Variants in SV2C observed in about 807,000 individuals in gnomAD.
SV2C encodes solute carrier family 22 member B3.
In SV2C, 49 loss-of-function variants were observed where a neutral mutation model predicts 79.7. That is an observed-to-expected ratio of 0.61 (90% CI 0.49 to 0.78). SV2C has a LOEUF of 0.78. SV2C is among the 30% of genes least tolerant of loss of function. The probability of loss-of-function intolerance (pLI) is 0.00; values close to 1 mark genes in which losing one functional copy is unlikely to be tolerated. For missense variants in SV2C, 833 were observed against 912.9 expected (o/e 0.91, Z 1.13); for synonymous variants, 334 against 333.2 (o/e 1.00, Z -0.03).
chr5:76,104,467 C>T (rs1296635356), intron 1 of SV2C, among the ~76,000 whole-genome samples: 2 of 152,154 alleles, frequency 1.3e-5, no homozygotes, highest in Non-Finnish European at 2.9e-5. Context: ...ACACAGCAGC[C>T]TCAAATTCCT....
At chr5:75,906,135 T>C in the SV2C span, among the ~76,000 whole-genome samples, 1 of 151,940 alleles carries the variant, frequency 6.6e-6, no homozygotes, top group African/African-American at 2.4e-5. Flanking sequence ...TCCCAGTAGA[T>C]GACAGTAACA....
chr5:76,344,401 T>C (rs990251574), intron 12 of SV2C, among the ~76,000 whole-genome samples: 2 of 152,244 alleles, frequency 1.3e-5, no homozygotes, highest in African/African-American at 4.8e-5. Flanking sequence ...ACATTGTTTG[T>C]ATTAATTTAT....
chr5:76,346,654 G>A (rs1749550223), intron 12 of SV2C, among the ~76,000 whole-genome samples: 1 of 152,202 alleles, frequency 6.6e-6, no homozygotes, highest in African/African-American at 2.4e-5. Context: ...TATATATTTT[G>A]TTTGCACTTT....
At chr5:76,196,098 A>G (rs751957806) in intron 3 of SV2C, among the ~76,000 whole-genome samples, 7 of 152,224 alleles carry the variant, frequency 4.6e-5, no homozygotes, top group Non-Finnish European at 8.8e-5. Flanking sequence ...TGTTAGTGAT[A>G]CATCACCACA....
downstream of SV2C, among the ~76,000 whole-genome samples, chr5:76,335,305 G>A (rs1749290838): frequency 1.3e-5 from 2 of 150,818 alleles, no homozygotes; most frequent in African/African-American, 4.9e-5. Context: ...CCCCTTTTCT[G>A]ATACCCAGCC....
At chr5:76,285,320 C>A (rs551706564) in intron 5 of SV2C, 25 bp downstream of exon 5, 1 of 1,611,968 alleles carries the variant, frequency 6.2e-7, no homozygotes, top group Non-Finnish European at 8.5e-7. Flanking sequence ...TGCAGATACT[C>A]AGGTAGCCCA....
intron 4 of SV2C, among the ~76,000 whole-genome samples, chr5:76,226,073 T>G (rs912655026): frequency 7.9e-5 from 12 of 152,212 alleles, no homozygotes. Flanking sequence ...TCAAATACTC[T>G]AATGGATCTG....
the SV2C span, among the ~76,000 whole-genome samples, chr5:75,993,775 G>A: frequency 6.6e-6 from 1 of 151,932 alleles, no homozygotes; most frequent in Admixed American, 6.6e-5. Flanking sequence ...CAGGGAGGGG[G>A]ATAGTTCTTA....
intron 2 of SV2C, among the ~76,000 whole-genome samples, chr5:76,188,135 C>A (rs779846858): frequency 1.4e-4 from 22 of 152,028 alleles, no homozygotes; most frequent in Non-Finnish European, 2.5e-4. Context: ...GTGGCACGCA[C>A]CTGTAGTCCC....
chr5:76,161,090 T>C (rs1194653215), intron 2 of SV2C, among the ~76,000 whole-genome samples: 1 of 152,172 alleles, frequency 6.6e-6, no homozygotes, highest in Non-Finnish European at 1.5e-5. Flanking sequence ...AATAACACTG[T>C]TCATAGTAGC....
At chr5:75,940,993 T>C in the SV2C span, among the ~76,000 whole-genome samples, 1 of 152,202 alleles carries the variant, frequency 6.6e-6, no homozygotes. Context: ...AAATAATTTA[T>C]TTTTCAGCAG....
intron 2 of SV2C, among the ~76,000 whole-genome samples, chr5:76,182,966 AG>A (rs1743793373): frequency 3.3e-5 from 5 of 149,412 alleles, no homozygotes. Flanking sequence ...AGACAGAGAG[AG>A]AGAGAGAGAG....
chr5:76,307,846 A>T (rs1323743621), intron 12 of SV2C, among the ~76,000 whole-genome samples: 1 of 151,990 alleles, frequency 6.6e-6, no homozygotes, highest in Non-Finnish European at 1.5e-5. Context: ...ATTTTCATTT[A>T]GTTCTTCTTT....
intron 2 of SV2C, among the ~76,000 whole-genome samples, chr5:76,187,650 C>G (rs1743962721): frequency 6.6e-6 from 1 of 151,420 alleles, no homozygotes; most frequent in Non-Finnish European, 1.5e-5. Context: ...CTTTTGAACA[C>G]ATAATGGCCC....
At chr5:75,875,307 G>A in the SV2C span, among the ~76,000 whole-genome samples, 2 of 151,986 alleles carry the variant, frequency 1.3e-5, no homozygotes, top group Non-Finnish European at 2.9e-5. Context: ...CCTCAACAAA[G>A]CTGACAAAAA....
At chr5:75,941,636 C>T in the SV2C span, among the ~76,000 whole-genome samples, 3 of 152,248 alleles carry the variant, frequency 2.0e-5, no homozygotes, top group Admixed American at 1.3e-4. Flanking sequence ...TTTTCATCCA[C>T]AGCTCCTGGC....
the SV2C span, among the ~76,000 whole-genome samples, chr5:76,011,290 G>T: frequency 6.6e-6 from 1 of 152,008 alleles, no homozygotes; most frequent in South Asian, 2.1e-4. Flanking sequence ...CTTGCTAAGG[G>T]CCAGACATCA....
the SV2C span, among the ~76,000 whole-genome samples, chr5:75,944,520 A>G: frequency 1.3e-5 from 2 of 152,116 alleles, no homozygotes; most frequent in Non-Finnish European, 2.9e-5. Context: ...TAGAATACAA[A>G]AAGCAACTAC....
chr5:76,272,585 A>G (rs1746904882), intron 4 of SV2C, among the ~76,000 whole-genome samples: 1 of 152,188 alleles, frequency 6.6e-6, no homozygotes, highest in African/African-American at 2.4e-5. Context: ...TCTCAGGACT[A>G]ACTGCAGTTT....
Sources: gnomAD v4.1 joint callset for allele counts (sites outside exome capture counted in the v4.1 genomes callset) on GRCh38, gnomAD v4.1.1 for gene constraint, MANE v1.5 for transcripts, NCBI Gene and HGNC (gene_info 2026-07-23, HGNC 2026-07-21) for gene names.